COL22A1: variants seen among roughly 807,000 people sequenced by gnomAD.
COL22A1 encodes collagen alpha-1(XXII) chain.
A neutral mutation model predicts 248.9 loss-of-function variants in COL22A1; 221 were observed. The observed-to-expected ratio is 0.89, with a 90% CI of 0.80 to 0.99. The LOEUF (loss-of-function observed/expected upper bound fraction) is 0.99, where lower values mean the gene tolerates loss of function less well. COL22A1 is among the 50% of genes least tolerant of loss of function. The probability of loss-of-function intolerance (pLI) is 0.00; values close to 1 mark genes in which losing one functional copy is unlikely to be tolerated. For missense variants in COL22A1, 2,240 were observed against 2,179.0 expected (o/e 1.03, Z -0.56); for synonymous variants, 891 against 793.4 (o/e 1.12, Z -2.07).
At chr8:138,746,466 C>G (rs1832119480) in intron 22 of COL22A1, among the ~76,000 whole-genome samples, 1 of 152,214 alleles carries the variant, frequency 6.6e-6, no homozygotes, top group South Asian at 2.1e-4. Flanking sequence ...TGCTTCCAAG[C>G]CCACAACATT....
At chr8:138,848,359 C>A (rs745859302) in intron 3 of COL22A1, among the ~76,000 whole-genome samples, 2 of 152,254 alleles carry the variant, frequency 1.3e-5, no homozygotes, top group African/African-American at 4.8e-5. Context: ...TCCTTCTCAC[C>A]GGAAGCCTAT....
intron 45 of COL22A1, among the ~76,000 whole-genome samples, chr8:138,653,905 T>C (rs995024429): frequency 2.0e-5 from 3 of 152,288 alleles, no homozygotes; most frequent in Middle Eastern, 3.4e-3. Context: ...CTGTTGACTA[T>C]AGAATTTCCA....
At chr8:138,751,382 T>C in intron 22 of COL22A1, 76 bp downstream of exon 22, 1 of 1,014,324 alleles carries the variant, frequency 9.9e-7, no homozygotes, top group Non-Finnish European at 1.5e-6. Context: ...ACTGTCTATC[T>C]TCTCTGCATG....
intron 4 of COL22A1, among the ~76,000 whole-genome samples, chr8:138,837,426 C>G (rs1820521568): frequency 6.6e-6 from 1 of 152,224 alleles, no homozygotes; most frequent in Non-Finnish European, 1.5e-5. Context: ...TCCCTCATCT[C>G]TCCCCTGCAC....
intron 47 of COL22A1, among the ~76,000 whole-genome samples, chr8:138,644,248 G>T (rs541530289): frequency 1.3e-5 from 2 of 152,164 alleles, no homozygotes; most frequent in Non-Finnish European, 2.9e-5. Context: ...TTTAAATTTT[G>T]ATATTTTGTT....
chr8:138,772,204 G>A (rs1385410286), intron 16 of COL22A1, among the ~76,000 whole-genome samples: 1 of 152,238 alleles, frequency 6.6e-6, no homozygotes, highest in East Asian at 1.9e-4. Context: ...TCTCGCATGG[G>A]CCCGGTGCTC....
intron 52 of COL22A1, among the ~76,000 whole-genome samples, chr8:138,621,396 T>C (rs1029056275): frequency 6.6e-6 from 1 of 152,204 alleles, no homozygotes; most frequent in African/African-American, 2.4e-5. Flanking sequence ...AGCCTGCCTT[T>C]CCTTCTTTCT....
At chr8:138,864,861 G>A (rs1050641386) in intron 3 of COL22A1, among the ~76,000 whole-genome samples, 3 of 152,286 alleles carry the variant, frequency 2.0e-5, no homozygotes, top group Admixed American at 6.5e-5. Context: ...CCCCAGATTT[G>A]GGGGTCCAAG....
chr8:138,833,556 G>T lies in COL22A1; in HGVS notation c.734-406C>A, dbSNP rs183210200. Among the ~76,000 whole-genome samples, 7 of 152,346 alleles carry T rather than the reference G, an allele frequency of 4.6e-5. No homozygotes were observed. The East Asian group carries it at 1.4e-3, about 29-fold the overall frequency. On this transcript the variant is annotated intron_variant, in intron 4 of 64. Coordinates refer to ENST00000303045, the MANE Select transcript of COL22A1 (RefSeq NM_152888.3). ...ACTCACGGCTTTCCTTCCTGCAGCC[G>T]TATGTTTGCCTTGCATCTGGACTTT...
chr8:138,786,797 G>C (rs1013671687), intron 12 of COL22A1, among the ~76,000 whole-genome samples: 1 of 152,110 alleles, frequency 6.6e-6, no homozygotes, highest in African/African-American at 2.4e-5. Context: ...CCAGCTACTT[G>C]GGAGGCTGAG....
intron 41 of COL22A1, among the ~76,000 whole-genome samples, chr8:138,673,989 C>T (rs962800094): frequency 2.0e-5 from 3 of 152,182 alleles, no homozygotes; most frequent in Non-Finnish European, 4.4e-5. Flanking sequence ...CACTCAGGGG[C>T]TGTTGTACAG....
Position 138,821,147 on chromosome 8 carries a change from C to T in COL22A1, c.1234G>A (p.Val412Met). Residue 412 changes from valine (V) to methionine (M), a missense_variant, in exon 7 of 65, where the codon GTG (valine) becomes ATG (methionine). Physicochemically the swap from Val to Met is conservative, Grantham distance 21. Coordinates refer to ENST00000303045, the MANE Select transcript of COL22A1 (RefSeq NM_152888.3). ...TVIGKRLYDS[V>M]PIDFDLQRIV... ...CCCCTGGTACTCACGTCAATGGGCA[C>T]ACTGTCGTAGAGGCGCTTGCCAATC... The T allele has an allele frequency of 6.2e-7, 1 of 1,613,812 alleles. No individual in the cohort carries two copies. Among genetic ancestry groups the T allele is most frequent in the Non-Finnish European group, 8.5e-7 (1 of 1,179,742 alleles).
At chr8:138,699,572 C>T (rs1827787643) in intron 32 of COL22A1, among the ~76,000 whole-genome samples, 1 of 152,190 alleles carries the variant, frequency 6.6e-6, no homozygotes, top group Admixed American at 6.5e-5. Flanking sequence ...CGTTGCAGTG[C>T]TAAGCTTTAT....
At chr8:138,691,399 G>A (rs1483180634) in intron 35 of COL22A1, among the ~76,000 whole-genome samples, 1 of 151,498 alleles carries the variant, frequency 6.6e-6, no homozygotes, top group Non-Finnish European at 1.5e-5. Flanking sequence ...GTTTGTGGAG[G>A]TATGTGTATG....
chr8:138,605,596 A>T (rs1818361090), intron 58 of COL22A1, among the ~76,000 whole-genome samples: 1 of 152,154 alleles, frequency 6.6e-6, no homozygotes, highest in Non-Finnish European at 1.5e-5. Context: ...GGGCATGCAG[A>T]GGGGTCAGAA....
At chr8:138,892,138 C>T (rs1249366384) in intron 1 of COL22A1, among the ~76,000 whole-genome samples, 3 of 152,182 alleles carry the variant, frequency 2.0e-5, no homozygotes, top group Admixed American at 1.3e-4. Flanking sequence ...TAGGGCCATG[C>T]TGGTCTCATA....
intron 1 of COL22A1, among the ~76,000 whole-genome samples, chr8:138,893,376 T>C (rs563209857): frequency 4.5e-4 from 69 of 152,348 alleles, no homozygotes; most frequent in African/African-American, 1.6e-3. Flanking sequence ...GGATGTCAAC[T>C]CTTTGATGTA....
rs201768836 is a variant in COL22A1 at position 138,883,163 on chromosome 8, G to A, written c.10C>T (p.Leu4Phe). 1.9e-4 allele frequency: 300 copies of A among 1,589,250 alleles called. 1 individual carries two copies. The South Asian group carries it at 3.3e-3, about 18-fold the overall frequency. Residue 4 changes from leucine (L) to phenylalanine (F), a missense_variant, in exon 2 of 65, where the codon CTC becomes TTC. Coordinates refer to ENST00000303045, the MANE Select transcript of COL22A1 (RefSeq NM_152888.3). Reference protein sequence around the residue: MAGLRGNAVAGLLW... With the variant: MAGFRGNAVAGLLW... The stretch of plus-strand genomic sequence containing the variant: ...AGGCCAGCCACAGCGTTCCCTCGGA[G>A]GCCGGCCATGGCTCTCCTGTTCTTG...
intron 56 of COL22A1, among the ~76,000 whole-genome samples, chr8:138,610,599 AC>A (rs1292395509): frequency 6.6e-6 from 1 of 152,236 alleles, no homozygotes; most frequent in Non-Finnish European, 1.5e-5. Context: ...CTTATGATGT[AC>A]CCGAGAATTG....
Sources: allele counts gnomAD v4.1 joint callset (sites outside exome capture counted in the v4.1 genomes callset), GRCh38; gene constraint gnomAD v4.1.1; transcripts MANE v1.5; gene names NCBI Gene and HGNC (gene_info 2026-07-23, HGNC 2026-07-21).